Variants in ARFGEF2 observed in about 807,000 individuals in gnomAD.
ARFGEF2 encodes brefeldin A-inhibited guanine nucleotide-exchange protein 2.
In ARFGEF2, 74 loss-of-function variants were observed where a neutral mutation model predicts 219.9. That is an observed-to-expected ratio of 0.34 (90% CI 0.28 to 0.41). ARFGEF2 has a LOEUF of 0.41. ARFGEF2 is among the 10% of genes least tolerant of loss of function. The pLI is 1.00. For missense variants in ARFGEF2, 1,743 were observed against 2,218.3 expected (o/e 0.79, Z 4.30); for synonymous variants, 733 against 799.2 (o/e 0.92, Z 1.40).
In ARFGEF2 at chr20:48,922,014, G is replaced by T; in HGVS notation, c.121+4G>T. 6.3e-7 allele frequency: 1 copy of T among 1,576,500 alleles called. No homozygotes were observed. Reference sequence around the variant, plus strand: ...AGGGCCTGCCAGGTGGCGCTCGGTGGGTGAGCCGCTCCCGCCCTGCCCCGC... The same window carrying T: ...AGGGCCTGCCAGGTGGCGCTCGGTGTGTGAGCCGCTCCCGCCCTGCCCCGC... On this transcript the variant is annotated splice_donor_region_variant and intron_variant, in intron 1 of 38. Coordinates refer to ENST00000371917, the MANE Select transcript of ARFGEF2 (RefSeq NM_006420.3).
In ARFGEF2 at chr20:48,976,090, T is replaced by A. The variant is rs770695413; in HGVS notation, c.1849T>A (p.Ser617Thr). The A allele has an allele frequency of 5.6e-6, 9 of 1,613,294 alleles. No individual in the cohort carries two copies. Among genetic ancestry groups the A allele is most frequent in the Non-Finnish European group, 5.9e-6 (7 of 1,180,018 alleles). The part of the protein sequence containing the change: ...LDMARRCSVT[S>T]MESTVSSGTQ... ...CATGGCAAGACGGTGTAGTGTGACG[T>A]CCATGGAGTCCACAGTGTCCTCGGG... The change falls in exon 14 of 39, where the codon TCC becomes ACC. Residue 617 changes from serine (S) to threonine (T), a missense_variant. Physicochemically the swap from Ser to Thr is moderately conservative, Grantham distance 58 (BLOSUM62 1). Around this residue, in one of 5 missense-constraint regions of ARFGEF2, gnomAD observed 666 missense variants for 955.4 expected, o/e 0.70. Transcript: ENST00000371917.
At chr20:49,007,822 C>CT (rs2091472341) in intron 26 of ARFGEF2, among the ~76,000 whole-genome samples, 1 of 151,952 alleles carries the variant, frequency 6.6e-6, no homozygotes, top group Non-Finnish European at 1.5e-5. Context: ...ATTTTCCTAC[C>CT]TTTAGGAACA....
At position 49,033,204 on chromosome 20, in the gene ARFGEF2, G is replaced by A; in HGVS notation, c.*5G>A. 3 of 1,614,150 alleles carry A rather than the reference G, an allele frequency of 1.9e-6. No individual in the cohort carries two copies. Among genetic ancestry groups the A allele is most frequent in the Non-Finnish European group, 2.5e-6 (3 of 1,180,010 alleles). On this transcript the variant is annotated 3_prime_UTR_variant, in exon 39 of 39. Transcript: ENST00000371917. ...GCACTGTCACCAGTGTGGTAGCCCT[G>A]GCTGCCCAGGCCAGTGCTGCAGCTC...
intron 15 of ARFGEF2, 102 bp from the exon 16 acceptor site, chr20:48,985,306 C>A: frequency 5.7e-6 from 7 of 1,232,788 alleles, no homozygotes; most frequent in African/African-American, 1.5e-5. Context: ...CTATTCTGGG[C>A]AGTTAGGGCC....
intron 21 of ARFGEF2, among the ~76,000 whole-genome samples, chr20:48,992,006 A>G (rs1048196488): frequency 5.3e-5 from 8 of 152,216 alleles, no homozygotes; most frequent in African/African-American, 1.9e-4. Context: ...CAGCTTGGAA[A>G]TTCTAGGTGT....
In ARFGEF2 at chr20:48,974,756, C is replaced by G. The variant is rs185552748; in HGVS notation, c.1666-10C>G. On this transcript the variant is annotated splice_polypyrimidine_tract_variant and intron_variant, in intron 12 of 38. Transcript: ENST00000371917. Reference sequence around the variant, plus strand: ...GTTAAGTCTCTTTCCTGTGTGACTTCGTCCCTTAGGAGCTCAGCCTGAGGA... The same window carrying G: ...GTTAAGTCTCTTTCCTGTGTGACTTGGTCCCTTAGGAGCTCAGCCTGAGGA... 1 of 1,606,460 alleles carries G rather than the reference C, an allele frequency of 6.2e-7. No homozygotes were observed. Among genetic ancestry groups the G allele is most frequent in the African/African-American group, 1.3e-5 (1 of 74,762 alleles).
intron 25 of ARFGEF2, among the ~76,000 whole-genome samples, chr20:49,000,594 T>A (rs1382428755): frequency 6.6e-6 from 1 of 152,212 alleles, no homozygotes; most frequent in African/African-American, 2.4e-5. Context: ...AAATAATTGA[T>A]GTGAATTTGC....
chr20:48,992,893 T>A (rs1041124422), intron 21 of ARFGEF2, among the ~76,000 whole-genome samples: 6 of 151,722 alleles, frequency 4.0e-5, no homozygotes, highest in Non-Finnish European at 8.8e-5. Flanking sequence ...AAAAAATTAT[T>A]TTTTTAATTA....
At chr20:48,923,037 TC>T (rs976669866) in intron 1 of ARFGEF2, among the ~76,000 whole-genome samples, 1 of 152,206 alleles carries the variant, frequency 6.6e-6, no homozygotes, top group Non-Finnish European at 1.5e-5. Flanking sequence ...AGTAATCTTT[TC>T]CAAGAGGAAA....
intron 3 of ARFGEF2, among the ~76,000 whole-genome samples, chr20:48,947,971 A>G (rs1334078907): frequency 6.6e-6 from 1 of 152,238 alleles, no homozygotes; most frequent in Non-Finnish European, 1.5e-5. Context: ...TTTACATCCC[A>G]GTGAAGGCTG....
In ARFGEF2 at chr20:49,036,057, C is replaced by T. The variant is rs2091664736; in HGVS notation, c.*2858C>T. 5.1e-6 allele frequency: 2 copies of T among 395,354 alleles called. No homozygotes were observed. Among genetic ancestry groups the T allele is most frequent in the Admixed American group, 4.4e-5 (1 of 22,500 alleles). 24.5% of individuals were successfully genotyped at this position (395,354 alleles called of 1,614,324 possible). Reference sequence around the variant, plus strand: ...TGATTAAGGATATACATTTAGTAGTCTTTGTTATTAAAGGAACCTGCTGAT... The same window carrying T: ...TGATTAAGGATATACATTTAGTAGTTTTTGTTATTAAAGGAACCTGCTGAT... On this transcript the variant is annotated 3_prime_UTR_variant, in exon 39 of 39. Transcript: ENST00000371917.
Position 48,963,175 on chromosome 20 carries a change from C to CAAA in ARFGEF2, c.839-643_839-641dup, listed in dbSNP as rs71337478. Among the ~76,000 whole-genome samples, 45 of 110,836 alleles carry CAAA rather than the reference C, an allele frequency of 4.1e-4. 1 individual carries two copies. Among genetic ancestry groups the CAAA allele is most frequent in the African/African-American group, 1.6e-3 (39 of 24,070 alleles). 72.7% of individuals were successfully genotyped at this position (110,836 alleles called of 152,430 possible). ...TGGGCAAGACAGCAAAACTCTGTCT[C>CAAA]AAAAAAAAAAAAAAGTAATGTTTAC... On this transcript the variant is annotated intron_variant, in intron 6 of 38. Coordinates refer to ENST00000371917, the MANE Select transcript of ARFGEF2 (RefSeq NM_006420.3).
In ARFGEF2 at chr20:48,973,175, A is replaced by G. The variant is rs2091238818; in HGVS notation, c.1556A>G (p.Asn519Ser). ...DAQCVVDIYVNYDCDLNAANI... is the reference protein window; with the variant it reads ...DAQCVVDIYVSYDCDLNAANI... ...CAGTGTGTTGTGGATATTTATGTCA[A>G]CTACGACTGTGATTTAAATGCTGCT... The change falls in exon 12 of 39, where the codon AAC becomes AGC. Residue 519 changes from asparagine (N) to serine (S), a missense_variant. Asn to Ser is a conservative substitution (Grantham distance 46). This residue lies in a region of ARFGEF2 where 666 missense variants were observed against 955.4 expected (regional missense o/e 0.70). Coordinates refer to ENST00000371917, the MANE Select transcript of ARFGEF2 (RefSeq NM_006420.3). 1.9e-6 allele frequency: 3 copies of G among 1,614,222 alleles called. No individual in the cohort carries two copies. The highest frequency in any genetic ancestry group is 2.5e-6 in the Non-Finnish European group (3 of 1,180,026).
At chr20:48,969,807 T>C (rs998204375) in intron 9 of ARFGEF2, among the ~76,000 whole-genome samples, 1 of 152,220 alleles carries the variant, frequency 6.6e-6, no homozygotes, top group Admixed American at 6.5e-5. Flanking sequence ...GATCCTCCAC[T>C]TGAGAGCAGT....
intron 22 of ARFGEF2, among the ~76,000 whole-genome samples, chr20:48,995,453 A>G (rs1343736682): frequency 1.3e-5 from 2 of 152,226 alleles, no homozygotes; most frequent in Non-Finnish European, 1.5e-5. Flanking sequence ...GGTGTGAGCC[A>G]TTAATGTTCT....
Position 48,971,144 on chromosome 20 carries a change from G to T in ARFGEF2, c.1215G>T (p.Val405=), listed in dbSNP as rs1372980842. The T allele has an allele frequency of 6.2e-7, 1 of 1,614,006 alleles. No homozygotes were observed. The highest frequency in any genetic ancestry group is 1.3e-5 in the African/African-American group (1 of 74,884). Residue 405 remains valine (V), a synonymous_variant, in exon 10 of 39, where the codon GTG becomes GTT. Transcript: ENST00000371917. The part of the protein sequence containing the change: ...DPKSHELRSK[V]VSLQLLLSVL... ...GATCCCATGAGCTGCGTTCCAAGGT[G>T]GTTTCCCTGCAGCTGCTCCTCTCTG...
chr20:49,010,563 T>A (rs2091491963), intron 27 of ARFGEF2, among the ~76,000 whole-genome samples, 159 bp downstream of exon 27: 1 of 152,216 alleles, frequency 6.6e-6, no homozygotes, highest in Non-Finnish European at 1.5e-5. Flanking sequence ...TGAGTATTAA[T>A]CTTGATCTTA....
intron 38 of ARFGEF2, among the ~76,000 whole-genome samples, chr20:49,032,374 G>C (rs941988153): frequency 2.0e-5 from 3 of 152,152 alleles, no homozygotes; most frequent in Non-Finnish European, 4.4e-5. Flanking sequence ...AAGAACAGTA[G>C]TTGAGAACGG....
intron 1 of ARFGEF2, among the ~76,000 whole-genome samples, chr20:48,934,682 A>G (rs2090935709): frequency 6.6e-6 from 1 of 152,078 alleles, no homozygotes; most frequent in African/African-American, 2.4e-5. Flanking sequence ...AAGGACATGA[A>G]CTCATTCTTT....
Sources: allele counts gnomAD v4.1 joint callset (sites outside exome capture counted in the v4.1 genomes callset), GRCh38; gene constraint gnomAD v4.1.1; regional missense constraint gnomAD v4.1.1; transcripts MANE v1.5; gene names NCBI Gene and HGNC (gene_info 2026-07-23, HGNC 2026-07-21).